RFC3: variants seen among roughly 807,000 people sequenced by gnomAD.
RFC3 encodes the protein A1 38 kDa subunit.
Under a neutral mutation model 45.1 loss-of-function variants are expected in RFC3, and 41 were observed. The ratio of observed to expected loss-of-function variants is 0.91; its 90% CI spans 0.71 to 1.18. The LOEUF (loss-of-function observed/expected upper bound fraction) is 1.18. Ranked by LOEUF, RFC3 falls within the 50% of genes most tolerant of loss-of-function variation. The pLI, the probability that RFC3 is intolerant of heterozygous loss-of-function variation, is 0.00. For missense variants in RFC3, 423 were observed against 428.1 expected (o/e 0.99, Z 0.10); for synonymous variants, 149 against 144.0 (o/e 1.03, Z -0.25).
At chr13:33,889,399 T>C (rs1377285921) in intron 8 of RFC3, among the ~76,000 whole-genome samples, 1 of 152,220 alleles carries the variant, frequency 6.6e-6, no homozygotes, top group East Asian at 1.9e-4. Flanking sequence ...AATACCCTTT[T>C]TAAAAATTTA....
intron 8 of RFC3, among the ~76,000 whole-genome samples, chr13:33,904,511 C>A (rs1477326667): frequency 1.3e-5 from 2 of 152,032 alleles, no homozygotes; most frequent in Non-Finnish European, 2.9e-5. Flanking sequence ...ACTGTTAACT[C>A]TCTTCTAATT....
rs146909168 is a variant in RFC3, at chr13:33,901,830, AAC to A, written c.880-64253_880-64252del. On this transcript the variant is annotated intron_variant, in intron 8 of 8. Transcript: ENST00000434425. ...AATATATCTTTTATGCATAAATAAA[AAC>A]ACATAAAAATAAACAAGAAACAAAA... Among the ~76,000 whole-genome samples, 471 of 152,184 alleles carry A rather than the reference AAC, an allele frequency of 3.1e-3. 22 individuals are homozygous for A. The East Asian group carries it at 0.077, about 25-fold the overall frequency.
At chr13:33,842,018 A>G (rs1372592219), downstream of RFC3, among the ~76,000 whole-genome samples, 3 of 152,152 alleles carry the variant, frequency 2.0e-5, no homozygotes, top group African/African-American at 7.2e-5. Flanking sequence ...TGCGGTGACC[A>G]TGCCTGTAAT....
At chr13:33,958,365 C>T (rs994140646) in intron 8 of RFC3, among the ~76,000 whole-genome samples, 19 of 152,196 alleles carry the variant, frequency 1.2e-4, no homozygotes, top group African/African-American at 4.6e-4. Flanking sequence ...GCCCCAGGAG[C>T]AGTGAGGAGA....
intron 8 of RFC3, among the ~76,000 whole-genome samples, chr13:33,934,333 A>C (rs555780098): frequency 6.6e-5 from 10 of 152,148 alleles, no homozygotes; most frequent in Non-Finnish European, 1.5e-4. Context: ...ACCCTGTCTC[A>C]AAAATGAAAA....
chr13:33,968,320 G>T (rs1186963094), downstream of RFC3, among the ~76,000 whole-genome samples: 1 of 152,156 alleles, frequency 6.6e-6, no homozygotes, highest in Admixed American at 6.5e-5. Flanking sequence ...TAGAGACGAG[G>T]TTTCACAATG....
chr13:33,821,079 A>G, intron 1 of RFC3, 53 bp from the exon 2 acceptor site: 2 of 1,599,610 alleles, frequency 1.3e-6, no homozygotes, highest in Non-Finnish European at 1.7e-6. Flanking sequence ...GTTTGGTTCT[A>G]CCTAGAGCAG....
chr13:33,834,298 G>GTATATATATATATATATATATTTATA (rs2082130617), intron 7 of RFC3, among the ~76,000 whole-genome samples: 1 of 109,220 alleles, frequency 9.2e-6, no homozygotes. Context: ...TGTACTGTGT[G>GTATATATATATATATATATATTTATA]TATATATATA....
intron 8 of RFC3, among the ~76,000 whole-genome samples, chr13:33,895,662 A>G (rs1011567941): frequency 2.0e-5 from 3 of 152,196 alleles, no homozygotes; most frequent in African/African-American, 7.2e-5. Flanking sequence ...CTTGATATCT[A>G]TACACAGGGA....
Position 33,844,671 on chromosome 13 carries a change from T to A in RFC3, c.879+9454T>A, listed in dbSNP as rs771998945. Among the ~76,000 whole-genome samples, 46 of 152,244 alleles carry A rather than the reference T, an allele frequency of 3.0e-4. 1 individual carries two copies. The highest frequency in any genetic ancestry group is 9.4e-4 in the African/African-American group (39 of 41,474). ...GAGAAAACTAATAAAAATTCTACAATTTAACTTCATCGCTTCTGCTTTTTA... is the reference window on the plus strand; with the variant it reads ...GAGAAAACTAATAAAAATTCTACAAATTAACTTCATCGCTTCTGCTTTTTA... On this transcript the variant is annotated intron_variant, in intron 8 of 8. Transcript: ENST00000434425.
chr13:33,835,295 A>C (rs777082937), intron 8 of RFC3, 78 bp downstream of exon 8: 1 of 871,576 alleles, frequency 1.1e-6, no homozygotes, highest in Non-Finnish European at 2.0e-6. Flanking sequence ...GGCTTTTTGC[A>C]GTATCAAGAT....
intron 8 of RFC3, among the ~76,000 whole-genome samples, chr13:33,963,921 T>C (rs904973320): frequency 6.6e-6 from 1 of 152,252 alleles, no homozygotes; most frequent in African/African-American, 2.4e-5. Flanking sequence ...TTATTTATGA[T>C]GGACTACATG....
At chr13:33,966,056 CAATT>C (rs1325344040) in intron 8 of RFC3, 2 of 1,544,630 alleles carry the variant, frequency 1.3e-6, no homozygotes, top group African/African-American at 1.4e-5. Context: ...CTGTGATAAA[CAATT>C]GATTGGATAG....
intron 8 of RFC3, among the ~76,000 whole-genome samples, chr13:33,883,939 A>G (rs946568787): frequency 6.7e-6 from 1 of 148,152 alleles, no homozygotes; most frequent in Non-Finnish European, 1.5e-5. Context: ...ACTTAAAAGT[A>G]AAAAAAAAAG....
intron 8 of RFC3, among the ~76,000 whole-genome samples, chr13:33,891,473 C>A (rs2082562836): frequency 6.6e-6 from 1 of 152,252 alleles, no homozygotes; most frequent in African/African-American, 2.4e-5. Context: ...AACCCTGATA[C>A]AATAAATTTG....
At chr13:33,873,527 C>T (rs1424684462) in intron 8 of RFC3, among the ~76,000 whole-genome samples, 1 of 152,150 alleles carries the variant, frequency 6.6e-6, no homozygotes, top group African/African-American at 2.4e-5. Context: ...GAGATCATAA[C>T]TTTGATACAT....
chr13:33,945,810 T>A (rs370391813), intron 8 of RFC3, among the ~76,000 whole-genome samples: 133 of 152,350 alleles, frequency 8.7e-4, no homozygotes, highest in African/African-American at 3.1e-3. Flanking sequence ...TGACTTACTA[T>A]TTTAAACAGC....
chr13:33,888,644 A>G lies in RFC3; in HGVS notation c.879+53427A>G, dbSNP rs181447825. Among the ~76,000 whole-genome samples the G allele has an allele frequency of 2.3e-3, 344 of 152,334 alleles. 1 individual carries two copies. Among genetic ancestry groups the G allele is most frequent in the African/African-American group, 8.1e-3 (336 of 41,576 alleles). On this transcript the variant is annotated intron_variant, in intron 8 of 8. Coordinates refer to the RFC3 transcript ENST00000434425. ...ATAGTAAAAATTATCCAGATCTCAT[A>G]TAGCAGATTCCTGGAAAATACTATT...
At chr13:33,954,840 G>A (rs1441188668) in intron 8 of RFC3, among the ~76,000 whole-genome samples, 1 of 152,134 alleles carries the variant, frequency 6.6e-6, no homozygotes, top group Non-Finnish European at 1.5e-5. Context: ...CCAACACACT[G>A]GGGATAAAGG....
Sources: gnomAD v4.1 joint callset for allele counts (sites outside exome capture counted in the v4.1 genomes callset) on GRCh38, gnomAD v4.1.1 for gene constraint, MANE v1.5 for transcripts, NCBI Gene and HGNC (gene_info 2026-07-23, HGNC 2026-07-21) for gene names.